The following VCL variants were observed in gnomAD, a reference collection of about 807,000 sequenced individuals.
VCL encodes vinculin.
Under a neutral mutation model 125.7 loss-of-function variants are expected in VCL, and 47 were observed. The ratio of observed to expected loss-of-function variants is 0.37; its 90% CI spans 0.30 to 0.48. The LOEUF is 0.48. Among genes scored for constraint, VCL ranks in the 20% least tolerant of loss-of-function variants. VCL has a pLI of 0.99. For missense variants in VCL, 1,069 were observed against 1,455.5 expected (o/e 0.73, Z 4.32); for synonymous variants, 458 against 514.6 (o/e 0.89, Z 1.49).
chr10:74,051,757 A>G (rs950225310), intron 2 of VCL, among the ~76,000 whole-genome samples: 5 of 152,204 alleles, frequency 3.3e-5, no homozygotes, highest in Admixed American at 3.3e-4. Flanking sequence ...AACAAAAAGA[A>G]ACATTTGGTG....
At chr10:74,025,402 C>A (rs1478927559) in intron 1 of VCL, among the ~76,000 whole-genome samples, 1 of 151,676 alleles carries the variant, frequency 6.6e-6, no homozygotes, top group Non-Finnish European at 1.5e-5. Context: ...TTGCTTGAGG[C>A]CAGGAGTTTG....
intron 14 of VCL, among the ~76,000 whole-genome samples, chr10:74,102,981 C>G (rs887277212): frequency 1.3e-5 from 2 of 152,106 alleles, no homozygotes; most frequent in Admixed American, 1.3e-4. Flanking sequence ...ATTCTCTTGC[C>G]TCAGCCTCCC....
intron 2 of VCL, among the ~76,000 whole-genome samples, chr10:74,044,697 C>T (rs1204873004): frequency 6.6e-6 from 1 of 152,164 alleles, no homozygotes; most frequent in Non-Finnish European, 1.5e-5. Context: ...ACATGCACAC[C>T]AGCATCCATA....
chr10:74,015,983 C>G (rs888429235), intron 1 of VCL, among the ~76,000 whole-genome samples: 4 of 152,242 alleles, frequency 2.6e-5, no homozygotes, highest in South Asian at 2.1e-4. Context: ...CTACGCTCAG[C>G]CTTTTTTCTT....
intron 3 of VCL, 76 bp from the exon 4 acceptor site, chr10:74,070,899 G>A: frequency 6.2e-7 from 1 of 1,611,464 alleles, no homozygotes; most frequent in African/African-American, 1.3e-5. Context: ...AAAATATGTT[G>A]AATGCTGCAC....
intron 7 of VCL, among the ~76,000 whole-genome samples, chr10:74,083,136 A>G (rs182566426): frequency 2.0e-5 from 3 of 152,334 alleles, no homozygotes; most frequent in African/African-American, 7.2e-5. Flanking sequence ...GCTACTTAGT[A>G]TCTCCAAATA....
chr10:74,113,139 A>C (rs1221082696), intron 19 of VCL, among the ~76,000 whole-genome samples: 1 of 152,218 alleles, frequency 6.6e-6, no homozygotes, highest in Non-Finnish European at 1.5e-5. Context: ...TAGAGAAATG[A>C]AGAGCATGAG....
chr10:74,039,771 A>G (rs1462283006), intron 1 of VCL, among the ~76,000 whole-genome samples: 1 of 151,750 alleles, frequency 6.6e-6, no homozygotes, highest in Admixed American at 6.6e-5. Context: ...ATGTCTCTTA[A>G]AAAAGAAAAG....
chr10:74,009,101 T>A (rs1840370103), intron 1 of VCL, among the ~76,000 whole-genome samples: 1 of 151,910 alleles, frequency 6.6e-6, no homozygotes, highest in Non-Finnish European at 1.5e-5. Context: ...CTTTCATGTG[T>A]CTTTCTTTTC....
intron 1 of VCL, among the ~76,000 whole-genome samples, chr10:74,024,798 A>C (rs1000891149): frequency 6.6e-6 from 1 of 152,204 alleles, no homozygotes; most frequent in African/African-American, 2.4e-5. Context: ...GCCCTAGTTA[A>C]GCCTAACTGA....
At chr10:74,022,575 GATAAATAA>G (rs112373013) in intron 1 of VCL, among the ~76,000 whole-genome samples, 47 of 121,062 alleles carry the variant, frequency 3.9e-4, no homozygotes, top group Middle Eastern at 3.9e-3. Flanking sequence ...TAAGAATAAA[GATAAATAA>G]ATAAATAAAT....
At chr10:74,009,354 G>A (rs1186341031) in intron 1 of VCL, among the ~76,000 whole-genome samples, 1 of 151,944 alleles carries the variant, frequency 6.6e-6, no homozygotes, top group Non-Finnish European at 1.5e-5. Flanking sequence ...CACTTCCCGG[G>A]TTCACGCCAT....
intron 1 of VCL, among the ~76,000 whole-genome samples, chr10:74,000,260 T>G (rs921503214): frequency 1.2e-4 from 5 of 40,816 alleles, no homozygotes; most frequent in East Asian, 1.1e-3. Flanking sequence ...TGTATTTTGC[T>G]TTTTTTTTTT....
intron 1 of VCL, among the ~76,000 whole-genome samples, chr10:74,016,266 A>G (rs114491920): frequency 0.045 from 6,846 of 152,242 alleles, 250 homozygotes; most frequent in African/African-American, 0.095. Context: ...TCCTTGGAGT[A>G]TAGAAACTAT....
chr10:74,059,031 T>C (rs1465557868), intron 2 of VCL, among the ~76,000 whole-genome samples: 2 of 152,042 alleles, frequency 1.3e-5, no homozygotes, highest in African/African-American at 2.4e-5. Flanking sequence ...GCAGGAGCAG[T>C]GTAGTTACCT....
chr10:74,045,654 C>T (rs962785600), intron 2 of VCL, among the ~76,000 whole-genome samples: 1 of 149,504 alleles, frequency 6.7e-6, no homozygotes, highest in African/African-American at 2.5e-5. Flanking sequence ...CAAAAACATG[C>T]AGAAATAAAC....
At chr10:74,090,290 A>G in intron 10 of VCL, 92 bp downstream of exon 10, 8 of 1,445,160 alleles carry the variant, frequency 5.5e-6, no homozygotes, top group Non-Finnish European at 7.7e-6. Context: ...TCCCCCAAGA[A>G]CATACATATT....
At chr10:74,082,319 A>G (rs1839689207) in intron 6 of VCL, 135 bp from the exon 7 acceptor site, 7 of 830,672 alleles carry the variant, frequency 8.4e-6, no homozygotes, top group Non-Finnish European at 1.4e-5. Flanking sequence ...GTGTGGTGAC[A>G]ATATTTTTAA....
chr10:74,009,650 C>T (rs1330938859), intron 1 of VCL, among the ~76,000 whole-genome samples: 1 of 152,132 alleles, frequency 6.6e-6, no homozygotes, highest in African/African-American at 2.4e-5. Flanking sequence ...CAGAGTCTCA[C>T]TCTGTTGCCC....
Sources: allele counts gnomAD v4.1 joint callset (sites outside exome capture counted in the v4.1 genomes callset), GRCh38; gene constraint gnomAD v4.1.1; transcripts MANE v1.5; gene names NCBI Gene and HGNC (gene_info 2026-07-23, HGNC 2026-07-21).